GABRG3: variants seen among roughly 807,000 people sequenced by gnomAD.
GABRG3 encodes the protein gamma-aminobutyric acid type A receptor subunit gamma3.
In GABRG3, 25 loss-of-function variants were observed where a neutral mutation model predicts 48.8. That is an observed-to-expected ratio of 0.51 (90% CI 0.37 to 0.72). The LOEUF (loss-of-function observed/expected upper bound fraction) is 0.72. GABRG3 is among the 30% of genes least tolerant of loss of function. GABRG3 has a pLI of 0.00. For synonymous variants in GABRG3, 227 were observed against 217.6 expected, an observed-to-expected ratio of 1.04 and a Z score of -0.38; for missense variants, 394 against 577.9, an observed-to-expected ratio of 0.68 and a Z score of 3.26.
At chr15:26,994,447 T>TA (rs969391436) in intron 2 of GABRG3, among the ~76,000 whole-genome samples, 28 of 151,042 alleles carry the variant, frequency 1.9e-4, no homozygotes, top group African/African-American at 3.9e-4. Context: ...CCACTGATAG[T>TA]AAAAAAAAAT....
At chr15:27,154,699 A>G (rs1266687943) in intron 3 of GABRG3, among the ~76,000 whole-genome samples, 1 of 152,158 alleles carries the variant, frequency 6.6e-6, no homozygotes, top group Non-Finnish European at 1.5e-5. Context: ...GTCATTGTAT[A>G]TAATTATTTT....
chr15:27,308,360 T>G (rs975144962), intron 3 of GABRG3, among the ~76,000 whole-genome samples: 1 of 88,226 alleles, frequency 1.1e-5, no homozygotes, highest in Non-Finnish European at 2.6e-5. Context: ...TACGTTTATA[T>G]ATAAACATAT....
chr15:27,029,710 G>A (rs1896049688), intron 3 of GABRG3, among the ~76,000 whole-genome samples: 1 of 152,186 alleles, frequency 6.6e-6, no homozygotes, highest in Admixed American at 6.5e-5. Context: ...CTTTGGTGGG[G>A]CAAGTCTGTG....
At chr15:27,256,524 G>C (rs1006085238) in intron 3 of GABRG3, among the ~76,000 whole-genome samples, 1 of 151,870 alleles carries the variant, frequency 6.6e-6, no homozygotes. Context: ...AAGGGGGCTG[G>C]GATCAAGATA....
At position 27,209,347 on chromosome 15, in the gene GABRG3, T is replaced by TTTCCTTCC. The variant is rs199748762; in HGVS notation, c.271-117446_271-117439dup. Reference sequence around the variant, plus strand: ...GAAATGCTCTTTCTTTCTTTCTTTCTTTCCTTCCTTCCTTCCTTCCTTCTT... The same window carrying TTTCCTTCC: ...GAAATGCTCTTTCTTTCTTTCTTTCTTTCCTTCCTTCCTTCCTTCCTTCCTTCCTTCTT... On this transcript the variant is annotated intron_variant, in intron 3 of 9. Coordinates refer to ENST00000615808, the MANE Select transcript of GABRG3 (RefSeq NM_033223.5). Among the ~76,000 whole-genome samples, 1,185 of 151,414 alleles carry TTTCCTTCC rather than the reference T, an allele frequency of 7.8e-3. 22 individuals are homozygous for TTTCCTTCC. Among genetic ancestry groups the TTTCCTTCC allele is most frequent in the African/African-American group, 0.027 (1,117 of 41,136 alleles).
chr15:27,470,737 T>C (rs929347398), intron 5 of GABRG3, among the ~76,000 whole-genome samples: 3 of 152,158 alleles, frequency 2.0e-5, no homozygotes, highest in African/African-American at 7.2e-5. Flanking sequence ...ACTTTTCTTA[T>C]AGGGTACTTT....
chr15:27,056,245 G>A (rs1358051171), intron 3 of GABRG3, among the ~76,000 whole-genome samples: 1 of 151,512 alleles, frequency 6.6e-6, no homozygotes, highest in African/African-American at 2.4e-5. Flanking sequence ...CAGCTACTTG[G>A]GAGGCTGAGG....
At chr15:27,417,412 T>C (rs557912597) in intron 5 of GABRG3, among the ~76,000 whole-genome samples, 4 of 152,334 alleles carry the variant, frequency 2.6e-5, no homozygotes, top group Non-Finnish European at 5.9e-5. Context: ...ATCCTCCTTC[T>C]ACCCCTGTTG....
rs60516105 is a variant in GABRG3 at position 27,001,888 on chromosome 15, G to GTTTTTTTTTTTTTTTTT, written c.202+24753_202+24754insTTTTTTTTTTTTTTTTT. Among the ~76,000 whole-genome samples, 550 of 121,094 alleles carry GTTTTTTTTTTTTTTTTT rather than the reference G, an allele frequency of 4.5e-3. 34 individuals are homozygous for GTTTTTTTTTTTTTTTTT. Among genetic ancestry groups the GTTTTTTTTTTTTTTTTT allele is most frequent in the African/African-American group, 0.015 (485 of 31,460 alleles). The allele number at this position is 121,094 out of a possible 152,430, so 79.4% of individuals were successfully genotyped here. A position where few individuals can be genotyped will look rare whatever the true frequency, so the allele number is the denominator to read the frequency against. On this transcript the variant is annotated intron_variant, in intron 2 of 9. Transcript: ENST00000615808. The stretch of plus-strand genomic sequence containing the variant: ...CTTGAAGAGAGGTTCCCATAACTCA[G>GTTTTTTTTTTTTTTTTT]TTTTTTTTTTTTTTTAAGATATGGT...
At chr15:27,229,724 G>A (rs781358043) in intron 3 of GABRG3, among the ~76,000 whole-genome samples, 4 of 151,978 alleles carry the variant, frequency 2.6e-5, no homozygotes, top group Non-Finnish European at 4.4e-5. Flanking sequence ...TGATCTGCCC[G>A]CCTCGGACCC....
At chr15:27,063,904 TCC>T (rs1896693907) in intron 3 of GABRG3, among the ~76,000 whole-genome samples, 1 of 152,126 alleles carries the variant, frequency 6.6e-6, no homozygotes, top group Non-Finnish European at 1.5e-5. Flanking sequence ...ACACCCCTTC[TCC>T]TTTTGCCTCC....
At chr15:26,984,532 T>C (rs1595455564) in intron 2 of GABRG3, among the ~76,000 whole-genome samples, 1 of 152,326 alleles carries the variant, frequency 6.6e-6, no homozygotes, top group East Asian at 1.9e-4. Flanking sequence ...TTCTAAATTA[T>C]GGATATATCT....
chr15:27,463,792 CA>C (rs1889521214), intron 5 of GABRG3, among the ~76,000 whole-genome samples: 1 of 152,182 alleles, frequency 6.6e-6, no homozygotes. Context: ...AAGCACTGTG[CA>C]GGGGGAGGCT....
intron 3 of GABRG3, among the ~76,000 whole-genome samples, chr15:27,172,757 AC>A (rs1018470795): frequency 4.6e-5 from 7 of 151,982 alleles, no homozygotes; most frequent in Non-Finnish European, 1.0e-4. Context: ...ATGACTGCAG[AC>A]CCGGTTACCC....
chr15:27,533,057 T>TAC lies in GABRG3; in HGVS notation c.*186_*187dup. 1 of 602,794 alleles carries TAC rather than the reference T, an allele frequency of 1.7e-6. No homozygotes were observed. Among genetic ancestry groups the TAC allele is most frequent in the East Asian group, 2.8e-5 (1 of 35,926 alleles). The allele number at this position is 602,794 out of a possible 1,614,324, so 37.3% of individuals were successfully genotyped here. A position where few individuals can be genotyped will look rare whatever the true frequency, so the allele number is the denominator to read the frequency against. On this transcript the variant is annotated 3_prime_UTR_variant, in exon 10 of 10. Transcript: ENST00000615808. The stretch of plus-strand genomic sequence containing the variant: ...CAGCAAAGGTTTCTATTATGTATTT[T>TAC]ACACACACACATACATACACACACA...
At chr15:27,454,047 G>A (rs1889189066) in intron 5 of GABRG3, among the ~76,000 whole-genome samples, 1 of 152,202 alleles carries the variant, frequency 6.6e-6, no homozygotes. Context: ...CACACCGGGA[G>A]GTAGTTCCAC....
chr15:27,432,370 GGAAAA>G (rs1277537343), intron 5 of GABRG3, among the ~76,000 whole-genome samples: 8 of 152,138 alleles, frequency 5.3e-5, no homozygotes, highest in Non-Finnish European at 1.2e-4. Flanking sequence ...AAGTTAGACA[GGAAAA>G]GAAAAGTGTT....
chr15:27,186,104 A>G (rs1888087305), intron 3 of GABRG3, among the ~76,000 whole-genome samples: 1 of 149,344 alleles, frequency 6.7e-6, no homozygotes, highest in South Asian at 2.1e-4. Context: ...GCTGGGTTGG[A>G]GTATGAATCA....
At chr15:27,193,487 A>G (rs1012534786) in intron 3 of GABRG3, among the ~76,000 whole-genome samples, 23 of 152,030 alleles carry the variant, frequency 1.5e-4, no homozygotes, top group African/African-American at 5.3e-4. Flanking sequence ...TGTGCTAGCA[A>G]TCAGCGAGAC....
Sources: gnomAD v4.1 joint callset for allele counts (sites outside exome capture counted in the v4.1 genomes callset) on GRCh38, gnomAD v4.1.1 for gene constraint, MANE v1.5 for transcripts, NCBI Gene and HGNC (gene_info 2026-07-23, HGNC 2026-07-21) for gene names.